The following SPATA6L variants were observed in gnomAD, a reference collection of about 807,000 sequenced individuals.
SPATA6L encodes the protein spermatogenesis associated 6-like protein.
SPATA6L carries 68 observed loss-of-function variants against 49.2 expected under a neutral mutation model. That is an observed-to-expected ratio of 1.38 (90% CI 1.14 to 1.69). SPATA6L has a LOEUF of 1.69. SPATA6L is among the 40% of genes most tolerant of loss of function. SPATA6L has a pLI of 0.00. For missense variants in SPATA6L, 668 were observed against 464.3 expected (o/e 1.44, Z -4.03); for synonymous variants, 198 against 165.7 (o/e 1.19, Z -1.50).
chr9:4,609,848 G>A (rs1052894422), intron 9 of SPATA6L, among the ~76,000 whole-genome samples: 1 of 151,324 alleles, frequency 6.6e-6, no homozygotes, highest in South Asian at 2.1e-4. Flanking sequence ...AAAAGAAGAA[G>A]TCAAATTGTC....
chr9:4,618,760 A>C (rs775321140), intron 8 of SPATA6L, 104 bp downstream of exon 8: 127 of 1,056,564 alleles, frequency 1.2e-4, no homozygotes, highest in Non-Finnish European at 1.6e-4. Flanking sequence ...AATTCCACCT[A>C]AGCAGACTAA....
At chr9:4,641,045 A>G (rs1833921665) in intron 3 of SPATA6L, among the ~76,000 whole-genome samples, 1 of 152,202 alleles carries the variant, frequency 6.6e-6, no homozygotes, top group Non-Finnish European at 1.5e-5. Context: ...GAATATATAT[A>G]GTCAACATAT....
chr9:4,605,995 T>A (rs576608204), intron 9 of SPATA6L, among the ~76,000 whole-genome samples: 1 of 152,148 alleles, frequency 6.6e-6, no homozygotes, highest in Non-Finnish European at 1.5e-5. Context: ...ATTGCCTCAC[T>A]CGGGAAGCGC....
chr9:4,606,315 C>T (rs1454623071), intron 9 of SPATA6L, among the ~76,000 whole-genome samples: 6 of 143,030 alleles, frequency 4.2e-5, no homozygotes, highest in African/African-American at 1.6e-4. Flanking sequence ...GGAGGCCTGC[C>T]TGCCTCTGTA....
intron 2 of SPATA6L, 68 bp from the exon 3 acceptor site, chr9:4,656,157 T>G: frequency 7.4e-7 from 1 of 1,350,904 alleles, no homozygotes; most frequent in Middle Eastern, 1.9e-4. Context: ...AAACTGTAAA[T>G]GCCAGGTGCA....
In SPATA6L at chr9:4,611,646, T is replaced by G. The variant is rs1163777552; in HGVS notation, c.996-6206A>C. On this transcript the variant is annotated intron_variant, in intron 9 of 11. Coordinates refer to ENST00000682582, the MANE Select transcript of SPATA6L (RefSeq NM_001353486.2). Reference sequence around the variant, plus strand: ...GGGAACATCACACTCTGGGGACTGTTGTGGGGTGGGGGGAGGGGGGAGGGA... The same window carrying G: ...GGGAACATCACACTCTGGGGACTGTGGTGGGGTGGGGGGAGGGGGGAGGGA... 1.2e-3 allele frequency among the ~76,000 whole-genome samples: 103 copies of G among 87,906 alleles called. 1 individual carries two copies. In the Admixed American group the frequency reaches 0.014, roughly 12 times the overall value. The allele number at this position is 87,906 out of a possible 152,430, so 57.7% of individuals were successfully genotyped here.
At chr9:4,635,151 G>C (rs1832529053) in intron 4 of SPATA6L, 124 bp downstream of exon 4, 1 of 1,009,262 alleles carries the variant, frequency 9.9e-7, no homozygotes, top group East Asian at 3.0e-5. Context: ...CATCAAAACA[G>C]AGCTACTAAA....
At chr9:4,596,368 C>A (rs1278669234), downstream of SPATA6L, 1 of 152,142 alleles carries the variant, frequency 6.6e-6, no homozygotes, top group Admixed American at 6.5e-5. Context: ...CCTTAAGCAA[C>A]AACAAATGAG....
intron 3 of SPATA6L, among the ~76,000 whole-genome samples, chr9:4,639,214 T>G (rs1404539503): frequency 6.6e-6 from 1 of 152,216 alleles, no homozygotes; most frequent in East Asian, 1.9e-4. Context: ...CTTTGGTTTC[T>G]GTAAACATCA....
chr9:4,650,824 TTGTG>T (rs59184426), intron 3 of SPATA6L, among the ~76,000 whole-genome samples: 5,870 of 136,862 alleles, frequency 0.043, 124 homozygotes, highest in South Asian at 0.075. Context: ...CAAACCCAGC[TTGTG>T]TGTGTGTGTG....
chr9:4,664,796 A>T (rs1840618759), intron 1 of SPATA6L: 1 of 167,126 alleles, frequency 6.0e-6, no homozygotes, highest in African/African-American at 2.4e-5. Context: ...GAGCTTGTTC[A>T]GAGTGAGGGG....
chr9:4,627,871 A>G (rs4742023), intron 5 of SPATA6L: 149,288 of 1,152,190 alleles, frequency 0.13, 14,513 homozygotes, highest in East Asian at 0.39. Context: ...GTGTCCATCA[A>G]CAGATGAATG....
intron 4 of SPATA6L, among the ~76,000 whole-genome samples, chr9:4,631,690 G>A (rs1210989646): frequency 6.6e-6 from 1 of 152,190 alleles, no homozygotes; most frequent in Non-Finnish European, 1.5e-5. Flanking sequence ...TAAAGTGAAT[G>A]ATTTGTCTCA....
At chr9:4,615,076 C>T (rs1156930599) in intron 9 of SPATA6L, among the ~76,000 whole-genome samples, 2 of 152,122 alleles carry the variant, frequency 1.3e-5, no homozygotes, top group Non-Finnish European at 1.5e-5. Context: ...GTGCCCCTGC[C>T]TCCCACCTGC....
intron 13 of SPATA6L, among the ~76,000 whole-genome samples, chr9:4,590,038 C>G (rs1219532715): frequency 6.6e-6 from 1 of 152,190 alleles, no homozygotes; most frequent in African/African-American, 2.4e-5. Flanking sequence ...ATTCTCCCGC[C>G]TCAGCCTCCC....
rs1840865033 is a variant in SPATA6L at position 4,666,352 on chromosome 9, C to G, written c.-102G>C. The G allele has an allele frequency of 8.0e-7, 1 of 1,255,188 alleles. No homozygotes were observed. The highest frequency in any genetic ancestry group is 1.2e-6 in the Non-Finnish European group (1 of 866,520). The allele number at this position is 1,255,188 out of a possible 1,614,324, so 77.8% of individuals were successfully genotyped here. A position where few individuals can be genotyped will look rare whatever the true frequency, so the allele number is the denominator to read the frequency against. ...AGCTGAATACCTAGAGCAAATGTTCCCAGAAGCTTCCCCAGTCCCACGCCC... is the reference window on the plus strand; with the variant it reads ...AGCTGAATACCTAGAGCAAATGTTCGCAGAAGCTTCCCCAGTCCCACGCCC... On this transcript the variant is annotated 5_prime_UTR_variant, in exon 1 of 12. Transcript: ENST00000682582.
At chr9:4,640,229 C>G (rs898049599) in intron 3 of SPATA6L, among the ~76,000 whole-genome samples, 4 of 152,174 alleles carry the variant, frequency 2.6e-5, no homozygotes, top group Admixed American at 6.5e-5. Flanking sequence ...ACGCTGCCCC[C>G]CTGTGTCCAT....
rs752489837 is a variant in SPATA6L, at chr9:4,663,150, AC to A, written c.40-1115del. 2.5e-6 allele frequency: 4 copies of A among 1,613,800 alleles called. No individual in the cohort carries two copies. In the Admixed American group the frequency reaches 6.7e-5, roughly 27 times the overall value. On this transcript the variant is annotated intron_variant, in intron 1 of 11. Transcript: ENST00000682582. ...GGTCATGCTGGGGCGGCACAATGTC[AC>A]CGACGTAGCTTTTGGCTTTTTTCTG...
chr9:4,616,663 C>T (rs1188603904), intron 9 of SPATA6L, among the ~76,000 whole-genome samples: 2 of 152,164 alleles, frequency 1.3e-5, no homozygotes, highest in Non-Finnish European at 2.9e-5. Flanking sequence ...TCAGCTCACC[C>T]CAACCTCCGC....
Sources: allele counts gnomAD v4.1 joint callset (sites outside exome capture counted in the v4.1 genomes callset), GRCh38; gene constraint gnomAD v4.1.1; transcripts MANE v1.5; gene names NCBI Gene and HGNC (gene_info 2026-07-23, HGNC 2026-07-21).